MACROD2: variants seen among roughly 807,000 people sequenced by gnomAD.
The protein encoded by MACROD2 is mono-ADP ribosylhydrolase 2, also known as ADP-ribose glycohydrolase MACROD2.
A neutral mutation model predicts 70.4 loss-of-function variants in MACROD2; 36 were observed. The ratio of observed to expected loss-of-function variants is 0.51; its 90% confidence interval spans 0.39 to 0.68. The LOEUF is 0.68. MACROD2 is among the 30% of genes least tolerant of loss of function. The pLI, the probability that MACROD2 is intolerant of heterozygous loss-of-function variation, is 0.00. For missense variants in MACROD2, 496 were observed against 538.4 expected (o/e 0.92, Z 0.78); for synonymous variants, 172 against 178.8 (o/e 0.96, Z 0.30).
chr20:14,684,950 C>T lies in MACROD2; in HGVS notation c.409C>T (p.Pro137Ser). ...HAKITCGYDLPAKYVIHTVGP... is the reference protein window; with the variant it reads ...HAKITCGYDLSAKYVIHTVGP... ...AAAAATCACATGTGGCTATGACCTT[C>T]CTGCAAAATGTGAGTACAACTGAAT... Residue 137 changes from proline to serine, a missense_variant, in exon 5 of 18, where the codon CCT becomes TCT. Physicochemically the swap from Pro to Ser is moderately conservative, Grantham distance 74. Coordinates refer to ENST00000684519, the MANE Select transcript of MACROD2 (RefSeq NM_001351661.2). 5 of 1,612,844 alleles carry T rather than the reference C, an allele frequency of 3.1e-6. No individual in the cohort carries two copies. The highest frequency in any genetic ancestry group is 4.2e-6 in the Non-Finnish European group (5 of 1,178,998).
At chr20:14,791,054 T>C (rs371201944) in intron 5 of MACROD2, among the ~76,000 whole-genome samples, 12 of 152,278 alleles carry the variant, frequency 7.9e-5, no homozygotes, top group African/African-American at 2.6e-4. Context: ...GGGTCTGCTC[T>C]AGACTATTCT....
Position 14,971,174 on chromosome 20 carries a change from T to C in MACROD2, c.419-258766T>C, listed in dbSNP as rs145032562. Among the ~76,000 whole-genome samples, 58 of 152,330 alleles carry C rather than the reference T, an allele frequency of 3.8e-4. 1 individual carries two copies. The East Asian group carries it at 9.1e-3, about 24-fold the overall frequency. On this transcript the variant is annotated intron_variant, in intron 5 of 17. Coordinates refer to ENST00000684519, the MANE Select transcript of MACROD2 (RefSeq NM_001351661.2). ...GTAAATACTATACAAATAGTTGTTG[T>C]ACTGTTTAGAGAATAATGACAAGAA...
chr20:14,009,760 A>G (rs2052874341), intron 2 of MACROD2, among the ~76,000 whole-genome samples: 1 of 152,256 alleles, frequency 6.6e-6, no homozygotes, highest in African/African-American at 2.4e-5. Context: ...AAAATGTGGT[A>G]CATATACACC....
intron 3 of MACROD2, among the ~76,000 whole-genome samples, chr20:14,109,768 T>C (rs535134112): frequency 1.5e-4 from 23 of 151,936 alleles, no homozygotes; most frequent in African/African-American, 5.3e-4. Flanking sequence ...AGTCTCTCAG[T>C]AAAGAAAAGC....
chr20:14,472,619 T>G (rs1359660653), intron 3 of MACROD2, among the ~76,000 whole-genome samples: 1 of 152,174 alleles, frequency 6.6e-6, no homozygotes, highest in Non-Finnish European at 1.5e-5. Context: ...ATGGGATAAG[T>G]GTTGTACAAA....
rs547226241 is a variant in MACROD2, at chr20:15,625,505, A to T, written c.645+125658A>T. Among the ~76,000 whole-genome samples, 5 of 152,340 alleles carry T rather than the reference A, an allele frequency of 3.3e-5. No homozygotes were observed. In the East Asian group the frequency reaches 9.6e-4, roughly 29 times the overall value. ...ATTTATCTTGAAAAATAAAAAAGGTAAGAAATGGCTTGCCGTAATTTTTCT... is the reference window on the plus strand; with the variant it reads ...ATTTATCTTGAAAAATAAAAAAGGTTAGAAATGGCTTGCCGTAATTTTTCT... On this transcript the variant is annotated intron_variant, in intron 8 of 17. Transcript: ENST00000684519.
chr20:14,152,570 A>G (rs1237795752), intron 3 of MACROD2, among the ~76,000 whole-genome samples: 2 of 151,654 alleles, frequency 1.3e-5, no homozygotes, highest in East Asian at 3.9e-4. Context: ...GGAATTACAG[A>G]TGTGCACCAC....
intron 3 of MACROD2, among the ~76,000 whole-genome samples, chr20:14,488,558 C>T (rs566873097): frequency 6.6e-6 from 1 of 152,082 alleles, no homozygotes; most frequent in East Asian, 1.9e-4. Flanking sequence ...CTATAACCAC[C>T]TTTGGATGCA....
intron 5 of MACROD2, among the ~76,000 whole-genome samples, chr20:15,152,619 C>T (rs2012195366): frequency 6.9e-6 from 1 of 143,894 alleles, no homozygotes; most frequent in Admixed American, 7.0e-5. Flanking sequence ...TGCCTCTCCC[C>T]CAGAAAAGCG....
At chr20:14,575,420 C>G (rs1980529723) in intron 4 of MACROD2, among the ~76,000 whole-genome samples, 1 of 152,110 alleles carries the variant, frequency 6.6e-6, no homozygotes. Flanking sequence ...CACCACTGTA[C>G]ACTCTTGAGA....
chr20:14,133,400 A>G (rs545651995), intron 3 of MACROD2, among the ~76,000 whole-genome samples: 1 of 152,200 alleles, frequency 6.6e-6, no homozygotes, highest in Non-Finnish European at 1.5e-5. Flanking sequence ...ATTTGTAAAT[A>G]TGTTATTTTT....
intron 12 of MACROD2, among the ~76,000 whole-genome samples, chr20:15,940,553 GCAAC>G (rs1384454419): frequency 6.6e-6 from 1 of 152,194 alleles, no homozygotes; most frequent in Non-Finnish European, 1.5e-5. Context: ...TCAACCTTGA[GCAAC>G]CAAGTGGTGG....
chr20:14,020,512 ATTGTCTGGGCTTGT>A (rs1397942472), intron 2 of MACROD2, among the ~76,000 whole-genome samples: 1 of 151,996 alleles, frequency 6.6e-6, no homozygotes, highest in Non-Finnish European at 1.5e-5. Flanking sequence ...CCATAAGTCC[ATTGTCTGGGCTTGT>A]TTGTCATCTT....
chr20:14,775,155 A>G (rs1009882617), intron 5 of MACROD2, among the ~76,000 whole-genome samples: 2 of 152,086 alleles, frequency 1.3e-5, no homozygotes, highest in Non-Finnish European at 2.9e-5. Context: ...CCAATGGCAG[A>G]GATTGAATTA....
intron 8 of MACROD2, among the ~76,000 whole-genome samples, chr20:15,607,621 C>T (rs1231095179): frequency 3.3e-5 from 5 of 152,196 alleles, no homozygotes; most frequent in African/African-American, 9.7e-5. Flanking sequence ...GCAACCTCTG[C>T]CTCCCGGGTT....
At chr20:14,656,304 G>C (rs75045402) in intron 4 of MACROD2, among the ~76,000 whole-genome samples, 3 of 152,162 alleles carry the variant, frequency 2.0e-5, no homozygotes, top group Non-Finnish European at 2.9e-5. Flanking sequence ...GAGTTGGGTT[G>C]ACTAAGAAAT....
rs1186261999 is a variant in MACROD2, at chr20:15,736,424, A to G, written c.646-126321A>G. ...TTGGCAACACTTGAATTGGGCCTTA[A>G]GTGTTTCTGGATTCCAGATGTGTAC... On this transcript the variant is annotated intron_variant, in intron 8 of 17. Coordinates refer to ENST00000684519, the MANE Select transcript of MACROD2 (RefSeq NM_001351661.2). Among the ~76,000 whole-genome samples, 4 of 152,216 alleles carry G rather than the reference A, an allele frequency of 2.6e-5. No individual in the cohort carries two copies. In the East Asian group the frequency reaches 7.7e-4, roughly 29 times the overall value.
chr20:14,429,326 C>T (rs926022212), intron 3 of MACROD2, among the ~76,000 whole-genome samples: 4 of 152,020 alleles, frequency 2.6e-5, no homozygotes, highest in African/African-American at 9.7e-5. Context: ...TTGATAATTT[C>T]TTCCTTGTTC....
intron 8 of MACROD2, among the ~76,000 whole-genome samples, chr20:15,510,852 A>G (rs1258749881): frequency 6.6e-6 from 1 of 152,256 alleles, no homozygotes; most frequent in Non-Finnish European, 1.5e-5. Context: ...TATGTCGTCT[A>G]CATTTCTATT....
Sources: gnomAD v4.1 joint callset for allele counts (sites outside exome capture counted in the v4.1 genomes callset) on GRCh38, gnomAD v4.1.1 for gene constraint, MANE v1.5 for transcripts, NCBI Gene and HGNC (gene_info 2026-07-23, HGNC 2026-07-21) for gene names.